The following ZNF493 variants were observed in gnomAD, a reference collection of about 807,000 sequenced individuals.
The protein encoded by ZNF493 is zinc finger protein 493.
ZNF493 carries 11 observed loss-of-function variants against 12.2 expected under a neutral mutation model. The ratio of observed to expected loss-of-function variants is 0.90; its 90% confidence interval spans 0.57 to 1.50. The LOEUF (loss-of-function observed/expected upper bound fraction) is 1.50, where lower values mean the gene tolerates loss of function less well. Among genes scored for constraint, ZNF493 ranks in the 40% most tolerant of loss-of-function variants. ZNF493 has a pLI of 0.00. For synonymous variants in ZNF493, 286 were observed against 302.6 expected (o/e 0.95, Z 0.57); for missense variants, 950 against 906.6 (o/e 1.05, Z -0.61).
intron 3 of ZNF493, chr19:21,412,530 CTCT>C (rs2030357661): frequency 1.3e-5 from 2 of 156,782 alleles, no homozygotes; most frequent in Admixed American, 1.3e-4. Flanking sequence ...CCCAACATGT[CTCT>C]TCTTTGATTT....
At chr19:21,397,515 G>A in intron 1 of ZNF493, 3 of 601,118 alleles carry the variant, frequency 5.0e-6, no homozygotes, top group South Asian at 2.0e-5. Flanking sequence ...CTCTCTGGCA[G>A]TTCTGCACCC....
In ZNF493 at chr19:21,406,266, C is replaced by A. The variant is rs571454719; in HGVS notation, c.253+410C>A. 3.3e-5 allele frequency among the ~76,000 whole-genome samples: 5 copies of A among 151,712 alleles called. 1 individual carries two copies. The highest frequency in any genetic ancestry group is 1.2e-4 in the African/African-American group (5 of 41,360). ...AAATAGTTATCAAGTGAATATAATA[C>A]CATCACCAAATCTGTCCTGCTGATT... On this transcript the variant is annotated intron_variant, in intron 3 of 3. Coordinates refer to ENST00000392288, the MANE Select transcript of ZNF493 (RefSeq NM_001076678.3).
intron 3 of ZNF493, chr19:21,414,198 C>G (rs2030413870): frequency 6.6e-6 from 1 of 152,228 alleles, no homozygotes; most frequent in Admixed American, 6.5e-5. Flanking sequence ...GGTGTCCACA[C>G]ATACATGTAT....
chr19:21,403,565 C>G (rs183481936), intron 1 of ZNF493, among the ~76,000 whole-genome samples: 1 of 152,154 alleles, frequency 6.6e-6, no homozygotes, highest in East Asian at 1.9e-4. Flanking sequence ...GTGCTGACTT[C>G]TTTACAAGAA....
intron 3 of ZNF493, among the ~76,000 whole-genome samples, chr19:21,417,871 A>G (rs1227686153): frequency 1.3e-5 from 2 of 152,228 alleles, no homozygotes; most frequent in Non-Finnish European, 2.9e-5. Flanking sequence ...ATCAGACTGG[A>G]AACGGCAACA....
At chr19:21,410,068 A>ATATG (rs1157719124) in intron 3 of ZNF493, among the ~76,000 whole-genome samples, 1 of 122,720 alleles carries the variant, frequency 8.1e-6, no homozygotes, top group East Asian at 2.0e-4. Flanking sequence ...GTGTATATAT[A>ATATG]TATATATATA....
intron 3 of ZNF493, among the ~76,000 whole-genome samples, chr19:21,421,070 G>C (rs2145305898): frequency 6.6e-6 from 1 of 152,062 alleles, no homozygotes; most frequent in East Asian, 1.9e-4. Flanking sequence ...TTATGTTGCA[G>C]CTCCCAAGAT....
intron 3 of ZNF493, among the ~76,000 whole-genome samples, chr19:21,417,913 C>T (rs1167215673): frequency 1.3e-5 from 2 of 152,186 alleles, no homozygotes; most frequent in Non-Finnish European, 2.9e-5. Context: ...AAAGGAGAAC[C>T]TAGTCCATAC....
chr19:21,424,856 C>T lies in ZNF493; in HGVS notation c.2197C>T (p.Leu733=). The T allele has an allele frequency of 6.3e-7, 1 of 1,586,426 alleles. No individual in the cohort carries two copies. The highest frequency in any genetic ancestry group is 8.6e-7 in the Non-Finnish European group (1 of 1,166,624). The change falls in exon 4 of 4, where the codon CTA becomes TTA. Residue 733 remains leucine, a synonymous_variant. Transcript: ENST00000392288. The stretch of plus-strand genomic sequence containing the variant: ...TTCCTCAAACCTTATTAAACATAAG[C>T]TAATTCATACTGGAGACAAACCCTA... The part of the protein sequence containing the change: ...NHSSNLIKHK[L]IHTGDKPYKC...
chr19:21,408,002 T>C, intron 3 of ZNF493: 9 of 985,300 alleles, frequency 9.1e-6, no homozygotes, highest in Non-Finnish European at 1.1e-5. Flanking sequence ...TGGGATGCCC[T>C]CTGGGTTTGT....
chr19:21,402,993 G>A (rs750961393), intron 1 of ZNF493, among the ~76,000 whole-genome samples: 1 of 152,222 alleles, frequency 6.6e-6, no homozygotes, highest in Non-Finnish European at 1.5e-5. Flanking sequence ...TTTAGAATCA[G>A]CATGAATCTC....
chr19:21,408,670 G>T, intron 3 of ZNF493: 1 of 985,188 alleles, frequency 1.0e-6, no homozygotes. Flanking sequence ...TGTTTTCAGT[G>T]TAGGTATCTT....
At chr19:21,415,676 C>A (rs954817798) in intron 3 of ZNF493, among the ~76,000 whole-genome samples, 2 of 152,082 alleles carry the variant, frequency 1.3e-5, no homozygotes, top group African/African-American at 4.8e-5. Context: ...CAATTACTTG[C>A]CCTACATATG....
chr19:21,419,490 C>T (rs565885419), intron 3 of ZNF493, among the ~76,000 whole-genome samples: 12 of 152,100 alleles, frequency 7.9e-5, no homozygotes, highest in Non-Finnish European at 1.6e-4. Context: ...AACTGAAGAA[C>T]TTGGAGTCTG....
intron 3 of ZNF493, chr19:21,413,741 CT>C: frequency 3.0e-6 from 1 of 329,750 alleles, no homozygotes; most frequent in Non-Finnish European, 5.4e-6. Flanking sequence ...CATTTGCCAA[CT>C]TTTTGTTATT....
rs561129287 is a variant in ZNF493, at chr19:21,402,812, C to G, written c.31-2317C>G. 3.0e-3 allele frequency among the ~76,000 whole-genome samples: 453 copies of G among 152,268 alleles called. 3 individuals are homozygous for G. Among genetic ancestry groups the G allele is most frequent in the Non-Finnish European group, 4.6e-3 (312 of 68,030 alleles). ...AGAATCTATAAGTGTAAACAAGCATCTTAAGAGTGAGGGATAAGGCCACAA... is the reference window on the plus strand; with the variant it reads ...AGAATCTATAAGTGTAAACAAGCATGTTAAGAGTGAGGGATAAGGCCACAA... On this transcript the variant is annotated intron_variant, in intron 1 of 3. Transcript: ENST00000392288.
rs986031165 is a variant in ZNF493 at position 21,424,586 on chromosome 19, C to T, written c.1927C>T (p.His643Tyr). ...TGGCAAAGCTTTTAAGCGGTCCTCACACCTCGCTGGGCACAAGCAAATTCA... is the reference window on the plus strand; with the variant it reads ...TGGCAAAGCTTTTAAGCGGTCCTCATACCTCGCTGGGCACAAGCAAATTCA... ...ECGKAFKRSS[H>Y]LAGHKQIHSV... Residue 643 changes from histidine to tyrosine, a missense_variant, in exon 4 of 4, where the codon CAC (histidine) becomes TAC (tyrosine). Coordinates refer to ENST00000392288, the MANE Select transcript of ZNF493 (RefSeq NM_001076678.3). The T allele has an allele frequency of 2.5e-6, 4 of 1,604,106 alleles. No individual in the cohort carries two copies. Among genetic ancestry groups the T allele is most frequent in the Non-Finnish European group, 3.4e-6 (4 of 1,176,572 alleles).
intron 3 of ZNF493, among the ~76,000 whole-genome samples, chr19:21,415,464 A>G (rs763643138): frequency 1.3e-5 from 2 of 152,156 alleles, no homozygotes; most frequent in African/African-American, 2.4e-5. Context: ...GCACAATGGT[A>G]GTGTCATTTA....
At position 21,423,859 on chromosome 19, in the gene ZNF493, TGAAGAGAAATCCC is replaced by T. The variant is rs1173340849; in HGVS notation, c.1201_1213del (p.Glu401ThrfsTer49). 1 of 1,612,488 alleles carries T rather than the reference TGAAGAGAAATCCC, an allele frequency of 6.2e-7. No individual in the cohort carries two copies. The highest frequency in any genetic ancestry group is 8.5e-7 in the Non-Finnish European group (1 of 1,179,562). On this transcript the variant is annotated frameshift_variant, in exon 4 of 4. Coordinates refer to ENST00000392288, the MANE Select transcript of ZNF493 (RefSeq NM_001076678.3). LOFTEE classifies it low-confidence loss of function (END_TRUNC). ...TTACTAAACATAAGATAATTCACAC[TGAAGAGAAATCCC>T]ACAGATGTGAAGAATGTGGCAAAGC...
Sources: allele counts gnomAD v4.1 joint callset (sites outside exome capture counted in the v4.1 genomes callset), GRCh38; gene constraint gnomAD v4.1.1; transcripts MANE v1.5; gene names NCBI Gene and HGNC (gene_info 2026-07-23, HGNC 2026-07-21).